VPS41: variants seen among roughly 807,000 people sequenced by gnomAD.
VPS41 encodes VPS41 subunit of HOPS complex.
Under a neutral mutation model 130.9 loss-of-function variants are expected in VPS41, and 85 were observed. The observed-to-expected ratio is 0.65, with a 90% confidence interval of 0.55 to 0.78. The LOEUF is 0.78. VPS41 is among the 30% of genes least tolerant of loss of function. The pLI is 0.00. For missense variants in VPS41, 874 were observed against 1,018.7 expected, an observed-to-expected ratio of 0.86 and a Z score of 1.93; for synonymous variants, 335 against 332.9, an observed-to-expected ratio of 1.01 and a Z score of -0.07.
chr7:38,868,106 G>T (rs759452786), intron 3 of VPS41, among the ~76,000 whole-genome samples: 1 of 152,124 alleles, frequency 6.6e-6, no homozygotes, highest in East Asian at 1.9e-4. Flanking sequence ...CCAAAGTGTG[G>T]CCTTATCAAT....
intron 6 of VPS41, among the ~76,000 whole-genome samples, chr7:38,819,518 T>A (rs1785127575): frequency 6.6e-6 from 1 of 152,178 alleles, no homozygotes; most frequent in Non-Finnish European, 1.5e-5. Context: ...CATCTCCAAT[T>A]TATTCCTTCA....
intron 1 of VPS41, among the ~76,000 whole-genome samples, chr7:38,907,917 A>C (rs1787303691): frequency 6.6e-6 from 1 of 152,206 alleles, no homozygotes; most frequent in South Asian, 2.1e-4. Flanking sequence ...TATGTTCTTA[A>C]TGAGTGTTTT....
At chr7:38,897,121 G>A (rs1272024109) in intron 2 of VPS41, among the ~76,000 whole-genome samples, 1 of 142,478 alleles carries the variant, frequency 7.0e-6, no homozygotes, top group Middle Eastern at 4.3e-3. Flanking sequence ...TTGAACCCAG[G>A]AGATAGAGGT....
chr7:38,889,252 G>A (rs1156728801), intron 2 of VPS41, among the ~76,000 whole-genome samples: 1 of 151,920 alleles, frequency 6.6e-6, no homozygotes, highest in Non-Finnish European at 1.5e-5. Flanking sequence ...TCACAATTTG[G>A]TGAAGGGCAT....
chr7:38,777,030 T>C (rs1030495306), intron 10 of VPS41, among the ~76,000 whole-genome samples: 7 of 152,174 alleles, frequency 4.6e-5, no homozygotes, highest in Admixed American at 4.6e-4. Context: ...AATAGCAGCA[T>C]GAATGGTCAA....
intron 2 of VPS41, among the ~76,000 whole-genome samples, chr7:38,889,084 A>G (rs1258037857): frequency 7.3e-6 from 1 of 137,042 alleles, no homozygotes; most frequent in African/African-American, 2.8e-5. Context: ...CTGCACATGT[A>G]ACCCAGAACT....
chr7:38,861,535 G>A (rs979675070), intron 4 of VPS41, among the ~76,000 whole-genome samples: 6 of 152,150 alleles, frequency 3.9e-5, no homozygotes, highest in Admixed American at 6.5e-5. Context: ...CCCTGTCTGT[G>A]TTGCTCCAAA....
intron 12 of VPS41, 37 bp downstream of exon 12, chr7:38,774,078 A>T (rs764443782): frequency 3.9e-6 from 6 of 1,534,296 alleles, no homozygotes; most frequent in Non-Finnish European, 5.3e-6. Context: ...AAAAAACATT[A>T]AAAAAGCATA....
At chr7:38,853,543 T>C (rs1261517553) in intron 4 of VPS41, among the ~76,000 whole-genome samples, 1 of 152,046 alleles carries the variant, frequency 6.6e-6, no homozygotes, top group East Asian at 1.9e-4. Flanking sequence ...GTCTCCCAAC[T>C]GCAAAGGTGG....
At chr7:38,731,400 C>A (rs950174691) in intron 25 of VPS41, among the ~76,000 whole-genome samples, 8 of 152,190 alleles carry the variant, frequency 5.3e-5, no homozygotes, top group African/African-American at 1.9e-4. Context: ...TGTTCACATT[C>A]ATTTCACCCT....
chr7:38,794,705 T>C (rs1784589209), intron 9 of VPS41, among the ~76,000 whole-genome samples: 1 of 152,232 alleles, frequency 6.6e-6, no homozygotes, highest in Non-Finnish European at 1.5e-5. Context: ...CTGTCTGGCC[T>C]CAAAGCCTGA....
chr7:38,869,789 G>A (rs1022928860), intron 2 of VPS41, among the ~76,000 whole-genome samples: 2 of 152,044 alleles, frequency 1.3e-5, no homozygotes, highest in East Asian at 1.9e-4. Context: ...AGAGGGTGAA[G>A]ACTATGGAAT....
At chr7:38,744,920 G>C (rs1193618425) in intron 23 of VPS41, among the ~76,000 whole-genome samples, 1 of 152,222 alleles carries the variant, frequency 6.6e-6, no homozygotes, top group African/African-American at 2.4e-5. Flanking sequence ...GCAGGGAAGT[G>C]ACAATGGAGA....
At chr7:38,825,323 G>A (rs1258504781) in intron 5 of VPS41, among the ~76,000 whole-genome samples, 7 of 152,176 alleles carry the variant, frequency 4.6e-5, no homozygotes, top group Non-Finnish European at 1.0e-4. Context: ...GTCAGTATCA[G>A]CACAAGGGTG....
intron 7 of VPS41, among the ~76,000 whole-genome samples, chr7:38,807,540 A>G (rs1784864287): frequency 6.6e-6 from 1 of 152,174 alleles, no homozygotes. Context: ...CTTATTAACT[A>G]TATTCTACCT....
rs951872545 is a variant in VPS41 at position 38,763,403 on chromosome 7, C to G, written c.1422+52G>C. On this transcript the variant is annotated intron_variant, in intron 17 of 28. Coordinates refer to ENST00000310301, the MANE Select transcript of VPS41 (RefSeq NM_014396.4). Reference sequence around the variant, plus strand: ...TCCATTGTATTCCTTTCTAGATTTCCTAACACCTCCCATCGAGAACAAGTA... The same window carrying G: ...TCCATTGTATTCCTTTCTAGATTTCGTAACACCTCCCATCGAGAACAAGTA... 6 of 1,292,002 alleles carry G rather than the reference C, an allele frequency of 4.6e-6. No homozygotes were observed. In the African/African-American group the frequency reaches 7.5e-5, roughly 16 times the overall value. 80.0% of individuals were successfully genotyped at this position (1,292,002 alleles called of 1,614,324 possible). A position where few individuals can be genotyped will look rare whatever the true frequency, so the allele number is the denominator to read the frequency against.
intron 4 of VPS41, among the ~76,000 whole-genome samples, chr7:38,842,393 C>T (rs770437986): frequency 2.0e-5 from 3 of 152,192 alleles, no homozygotes; most frequent in Admixed American, 2.0e-4. Flanking sequence ...GCAAATTACA[C>T]ATGTTGCTAC....
chr7:38,757,235 T>A (rs7786389), intron 18 of VPS41, among the ~76,000 whole-genome samples: 34,261 of 151,938 alleles, frequency 0.23, 4,411 homozygotes, highest in East Asian at 0.43. Context: ...ATAAAAATGG[T>A]CTTTATTGGG....
chr7:38,818,743 T>C (rs1365568467), intron 6 of VPS41, among the ~76,000 whole-genome samples: 5 of 152,212 alleles, frequency 3.3e-5, no homozygotes, highest in Non-Finnish European at 1.5e-5. Flanking sequence ...ACTAATTTTG[T>C]GTTTTTCTAA....
Sources: allele counts gnomAD v4.1 joint callset (sites outside exome capture counted in the v4.1 genomes callset), GRCh38; gene constraint gnomAD v4.1.1; transcripts MANE v1.5; gene names NCBI Gene and HGNC (gene_info 2026-07-23, HGNC 2026-07-21).